The following PRH1 variants were observed in gnomAD, a reference collection of about 807,000 sequenced individuals.
PRH1 encodes the protein salivary acidic proline-rich phosphoprotein 1/2.
A neutral mutation model predicts 7.9 loss-of-function variants in PRH1; 7 were observed. The observed-to-expected ratio is 0.89, with a 90% confidence interval of 0.50 to 1.67. The LOEUF (loss-of-function observed/expected upper bound fraction) is 1.67, where lower values mean the gene tolerates loss of function less well. Ranked by LOEUF, PRH1 falls within the 40% of genes most tolerant of loss-of-function variation. PRH1 has a pLI of 0.00. For synonymous variants in PRH1, 45 were observed against 80.8 expected, an observed-to-expected ratio of 0.56 and a Z score of 2.38; for missense variants, 109 against 223.6, an observed-to-expected ratio of 0.49 and a Z score of 3.27.
At chr12:11,154,924 G>A (rs142886814) in intron 1 of PRH1, among the ~76,000 whole-genome samples, 3 of 110,998 alleles carry the variant, frequency 2.7e-5, no homozygotes, top group African/African-American at 9.2e-5. Context: ...GTCAAAGAGC[G>A]ATATATTTTC....
At chr12:11,024,080 C>A (rs1941792793) in intron 1 of PRH1, among the ~76,000 whole-genome samples, 1 of 152,232 alleles carries the variant, frequency 6.6e-6, no homozygotes, top group African/African-American at 2.4e-5. Flanking sequence ...AACATCATGT[C>A]AAGTTTCCTA....
chr12:10,910,974 A>T (rs948710356), intron 2 of PRH1, among the ~76,000 whole-genome samples: 3 of 152,170 alleles, frequency 2.0e-5, no homozygotes, highest in Non-Finnish European at 2.9e-5. Flanking sequence ...ATAGGTAGAT[A>T]TTTTCTATTT....
At chr12:11,163,613 G>A (rs565275496) in intron 1 of PRH1, among the ~76,000 whole-genome samples, 1 of 152,018 alleles carries the variant, frequency 6.6e-6, no homozygotes, top group Non-Finnish European at 1.5e-5. Flanking sequence ...TTTTCAGCAT[G>A]AGAAAAAAAG....
intron 1 of PRH1, among the ~76,000 whole-genome samples, chr12:11,012,702 G>A (rs545986428): frequency 2.6e-4 from 39 of 152,138 alleles, no homozygotes; most frequent in African/African-American, 8.4e-4. Flanking sequence ...GACTATGGGC[G>A]TGCACCAACA....
rs536551652 is a variant in PRH1 at position 11,016,502 on chromosome 12, T to G, written c.-126+30518A>C. On this transcript the variant is annotated intron_variant, in intron 1 of 3. Coordinates refer to the PRH1 transcript ENST00000539853. The stretch of plus-strand genomic sequence containing the variant: ...GCCAAACTAATTTTTTGTTGTTGTT[T>G]TTTCTGTTTTTTAGTTTTTGTACAG... Among the ~76,000 whole-genome samples the G allele has an allele frequency of 2.3e-3, 353 of 152,268 alleles. 2 individuals are homozygous for G. The highest frequency in any genetic ancestry group is 8.0e-3 in the African/African-American group (332 of 41,544).
chr12:11,023,153 G>A (rs1272624267), intron 1 of PRH1, among the ~76,000 whole-genome samples: 2 of 151,766 alleles, frequency 1.3e-5, no homozygotes, highest in East Asian at 3.9e-4. Flanking sequence ...GAAATCCCTG[G>A]GAGGCTGATA....
chr12:11,012,136 A>G (rs985580828), intron 1 of PRH1, among the ~76,000 whole-genome samples: 2 of 152,164 alleles, frequency 1.3e-5, no homozygotes, highest in African/African-American at 4.8e-5. Flanking sequence ...TGAAGAGCCT[A>G]CACTTCTCTG....
chr12:10,961,678 A>G (rs563615871), intron 2 of PRH1, among the ~76,000 whole-genome samples: 1 of 152,334 alleles, frequency 6.6e-6, no homozygotes, highest in African/African-American at 2.4e-5. Context: ...TCTGTCTTTC[A>G]TAACAGCCAC....
chr12:10,945,894 C>T (rs1382762042), intron 2 of PRH1, among the ~76,000 whole-genome samples: 1 of 152,212 alleles, frequency 6.6e-6, no homozygotes, highest in African/African-American at 2.4e-5. Flanking sequence ...AGTGATATTT[C>T]TCCATTTGCT....
chr12:10,942,320 G>A (rs976222509), intron 2 of PRH1, among the ~76,000 whole-genome samples: 1 of 152,148 alleles, frequency 6.6e-6, no homozygotes, highest in Non-Finnish European at 1.5e-5. Context: ...ATACCAGGGT[G>A]GGTAGGGAAG....
intron 1 of PRH1, among the ~76,000 whole-genome samples, chr12:11,122,849 T>C (rs538034034): frequency 6.6e-6 from 1 of 152,262 alleles, no homozygotes; most frequent in African/African-American, 2.4e-5. Context: ...CATAGCAATG[T>C]ATCATAAACA....
At chr12:10,893,994 CTGAT>C (rs1376351492) in intron 2 of PRH1, among the ~76,000 whole-genome samples, 6 of 152,066 alleles carry the variant, frequency 3.9e-5, no homozygotes, top group African/African-American at 1.2e-4. Context: ...ATTCTGTAAA[CTGAT>C]TGGTTATCCC....
At chr12:11,028,525 T>C (rs1009705271) in intron 1 of PRH1, among the ~76,000 whole-genome samples, 1 of 152,348 alleles carries the variant, frequency 6.6e-6, no homozygotes, top group Middle Eastern at 3.4e-3. Flanking sequence ...TCTAAATAAA[T>C]GGTAGCACTT....
chr12:11,051,443 T>C (rs1943139820), upstream of PRH1, among the ~76,000 whole-genome samples: 1 of 152,188 alleles, frequency 6.6e-6, no homozygotes, highest in African/African-American at 2.4e-5. Flanking sequence ...TTTTATATTA[T>C]AACTAGACTG....
intron 1 of PRH1, among the ~76,000 whole-genome samples, chr12:11,058,700 T>C (rs1943467805): frequency 2.0e-5 from 1 of 49,120 alleles, no homozygotes; most frequent in Non-Finnish European, 6.0e-5. Context: ...GCATACATAG[T>C]GGGCATTATA....
intron 1 of PRH1, among the ~76,000 whole-genome samples, chr12:11,024,067 G>A (rs1416306965): frequency 6.6e-6 from 1 of 152,214 alleles, no homozygotes; most frequent in Non-Finnish European, 1.5e-5. Flanking sequence ...GTGGTTGGCA[G>A]GTAACATCAT....
chr12:10,949,487 C>A (rs1022952495), intron 2 of PRH1, among the ~76,000 whole-genome samples: 1 of 152,128 alleles, frequency 6.6e-6, no homozygotes, highest in Non-Finnish European at 1.5e-5. Context: ...CTAGATTATA[C>A]CTTCTTTTAA....
intron 1 of PRH1, among the ~76,000 whole-genome samples, chr12:11,019,460 A>T (rs1868765): frequency 6.6e-6 from 1 of 152,048 alleles, no homozygotes; most frequent in African/African-American, 2.4e-5. Flanking sequence ...TTTAGACACC[A>T]AAAGCTAAGA....
chr12:11,126,437 AT>A (rs1946132013), intron 1 of PRH1, among the ~76,000 whole-genome samples: 1 of 47,638 alleles, frequency 2.1e-5, no homozygotes, highest in Non-Finnish European at 4.6e-5. Context: ...AACATTCTTT[AT>A]AAACGTCTCT....
Sources: allele counts gnomAD v4.1 joint callset (sites outside exome capture counted in the v4.1 genomes callset), GRCh38; gene constraint gnomAD v4.1.1; transcripts MANE v1.5; gene names NCBI Gene and HGNC (gene_info 2026-07-23, HGNC 2026-07-21).